The following SFI1 variants were observed in gnomAD, a reference collection of about 807,000 sequenced individuals.
The protein encoded by SFI1 is protein SFI1 homolog.
In SFI1, 195 loss-of-function variants were observed where a neutral mutation model predicts 207.5. The observed-to-expected ratio is 0.94, with a 90% CI of 0.84 to 1.06. The LOEUF is 1.06. Ranked by LOEUF, SFI1 falls within the 50% of genes least tolerant of loss-of-function variation. SFI1 has a pLI of 0.00. For synonymous variants in SFI1, 630 were observed against 598.9 expected, an observed-to-expected ratio of 1.05 and a Z score of -0.76; for missense variants, 1,634 against 1,588.0, an observed-to-expected ratio of 1.03 and a Z score of -0.49.
intron 19 of SFI1, 131 bp from the exon 20 acceptor site, chr22:31,604,726 GGGACCAGGGGCT>G: frequency 1.5e-6 from 1 of 687,626 alleles, no homozygotes; most frequent in Non-Finnish European, 2.4e-6. Context: ...TGCTGGCCCT[GGGACCAGGGGCT>G]GTTGGCCTCT....
intron 31 of SFI1, 43 bp downstream of exon 31, chr22:31,617,121 G>A (rs1437129798): frequency 1.2e-6 from 2 of 1,604,408 alleles, no homozygotes; most frequent in African/African-American, 2.7e-5. Flanking sequence ...TACAGGAGCA[G>A]GTGTTGCCTG....
intron 1 of SFI1, among the ~76,000 whole-genome samples, 157 bp downstream of exon 1, chr22:31,496,794 C>G (rs539266659): frequency 4.6e-5 from 7 of 152,306 alleles, no homozygotes; most frequent in Admixed American, 4.6e-4. Flanking sequence ...TGTCTACCTG[C>G]GGGTCTGTGG....
At chr22:31,593,005 C>T (rs2066328163) in intron 15 of SFI1, among the ~76,000 whole-genome samples, 8 of 129,114 alleles carry the variant, frequency 6.2e-5, no homozygotes, top group Non-Finnish European at 8.3e-5. Context: ...CACCTCCCTC[C>T]CGGACGGCAC....
chr22:31,529,088 C>T, intron 3 of SFI1: 1 of 433,650 alleles, frequency 2.3e-6, no homozygotes, highest in Non-Finnish European at 4.1e-6. Context: ...CAATATGACG[C>T]TATCAAGATT....
chr22:31,580,216 T>G (rs1398495231), intron 11 of SFI1, 56 bp from the exon 12 acceptor site: 1 of 1,431,640 alleles, frequency 7.0e-7, no homozygotes, highest in Non-Finnish European at 9.8e-7. Flanking sequence ...TACTCTTAGT[T>G]TACAGACTCT....
At chr22:31,526,691 G>A (rs1239595391) in intron 2 of SFI1, among the ~76,000 whole-genome samples, 1 of 152,038 alleles carries the variant, frequency 6.6e-6, no homozygotes, top group African/African-American at 2.4e-5. Flanking sequence ...GAGTAGCTGG[G>A]ACTACAGGCG....
At chr22:31,508,106 A>G (rs776532937) in intron 1 of SFI1, 149 bp from the exon 2 acceptor site, 13 of 381,394 alleles carry the variant, frequency 3.4e-5, no homozygotes, top group Non-Finnish European at 5.7e-5. Context: ...TAATTTAAAT[A>G]TAATATTTTA....
rs1335676359 is a variant in SFI1 at position 31,528,718 on chromosome 22, C to A, written c.121C>A (p.Pro41Thr). 5.0e-6 allele frequency: 8 copies of A among 1,614,096 alleles called. No homozygotes were observed. The highest frequency in any genetic ancestry group is 5.9e-6 in the Non-Finnish European group (7 of 1,180,010). The change falls in exon 3 of 33, where the codon CCT becomes ACT. Residue 41 changes from proline to threonine, a missense_variant. Pro to Thr is a conservative substitution (Grantham distance 38, BLOSUM62 -1). Transcript: ENST00000400288. The part of the protein sequence containing the change: ...RYFKDGAVKK[P>T]YSAKTLSNKK... ...TTTTAAGGATGGTGCAGTTAAGAAA[C>A]CTTATTCTGCAAAGACACTGTCCAA...
intron 15 of SFI1, among the ~76,000 whole-genome samples, chr22:31,592,350 A>AG (rs1317642760): frequency 4.0e-5 from 2 of 50,430 alleles, no homozygotes; most frequent in African/African-American, 2.3e-4. Flanking sequence ...CTGGCCGGGC[A>AG]GGGGGGCTGA....
chr22:31,600,932 C>T (rs1433793221), intron 15 of SFI1, among the ~76,000 whole-genome samples: 3 of 152,252 alleles, frequency 2.0e-5, no homozygotes, highest in South Asian at 4.1e-4. Flanking sequence ...ATGTGTCTTG[C>T]GTGTTAAATG....
intron 4 of SFI1, among the ~76,000 whole-genome samples, chr22:31,545,729 C>T (rs1452129636): frequency 6.6e-6 from 1 of 150,758 alleles, no homozygotes; most frequent in Admixed American, 6.6e-5. Flanking sequence ...TACTGGCGTG[C>T]ACCACCATGC....
Position 31,557,046 on chromosome 22 carries a change from C to T in SFI1, c.649C>T (p.Arg217Trp), listed in dbSNP as rs760517817. ...GACTACAGCTCTGGAGTTTAGGCAA[C>T]GGATTATCTTACGGTGAGTCTGCTC... ...MQTTALEFRQ[R>W]IILRVWWSTW... The change falls in exon 7 of 33, where the codon CGG becomes TGG. Residue 217 changes from arginine to tryptophan, a missense_variant. Coordinates refer to ENST00000400288, the MANE Select transcript of SFI1 (RefSeq NM_001007467.3). 25 of 1,603,580 alleles carry T rather than the reference C, an allele frequency of 1.6e-5. No individual in the cohort carries two copies. The highest frequency in any genetic ancestry group is 1.1e-4 in the South Asian group (10 of 90,048).
rs1602509944 is a variant in SFI1, at chr22:31,548,495, T to A, written c.449+1524T>A. On this transcript the variant is annotated intron_variant, in intron 5 of 32. Coordinates refer to ENST00000400288, the MANE Select transcript of SFI1 (RefSeq NM_001007467.3). ...AACTAAAATACAAAAAAAAAAAAAT[T>A]AGCCGGGCATGGCGGCATGCGCCTG... Among the ~76,000 whole-genome samples, 3 of 150,870 alleles carry A rather than the reference T, an allele frequency of 2.0e-5. No individual in the cohort carries two copies. In the South Asian group the frequency reaches 6.3e-4, roughly 32 times the overall value.
At chr22:31,617,116 G>T in intron 31 of SFI1, 38 bp downstream of exon 31, 1 of 1,609,204 alleles carries the variant, frequency 6.2e-7, no homozygotes, top group Non-Finnish European at 8.5e-7. Context: ...CTGGCTACAG[G>T]AGCAGGTGTT....
intron 15 of SFI1, among the ~76,000 whole-genome samples, chr22:31,599,307 T>G (rs1306395081): frequency 6.9e-6 from 1 of 144,322 alleles, no homozygotes; most frequent in Non-Finnish European, 1.5e-5. Context: ...ATCAGGTTTT[T>G]CCAGCACCAT....
intron 19 of SFI1, chr22:31,604,605 T>G (rs2068658914): frequency 5.0e-6 from 3 of 596,480 alleles, no homozygotes; most frequent in Non-Finnish European, 8.8e-6. Flanking sequence ...ACAAGTGCTG[T>G]CTGTGGGTAC....
chr22:31,583,810 A>G, intron 12 of SFI1, 65 bp from the exon 13 acceptor site: 2 of 1,404,598 alleles, frequency 1.4e-6, no homozygotes, highest in Non-Finnish European at 2.0e-6. Context: ...AGTCTGTTGG[A>G]GTAAGGATTC....
At chr22:31,561,472 T>C in intron 8 of SFI1, 80 bp downstream of exon 8, 1 of 1,242,446 alleles carries the variant, frequency 8.0e-7, no homozygotes, top group Non-Finnish European at 1.1e-6. Context: ...GTGCTGGGCC[T>C]TCCCTGCAGC....
At chr22:31,531,642 C>T (rs2058538032) in intron 4 of SFI1, among the ~76,000 whole-genome samples, 1 of 152,156 alleles carries the variant, frequency 6.6e-6, no homozygotes, top group African/African-American at 2.4e-5. Flanking sequence ...GCCTGTAATC[C>T]CAGCACTTTG....
Sources: allele counts gnomAD v4.1 joint callset (sites outside exome capture counted in the v4.1 genomes callset), GRCh38; gene constraint gnomAD v4.1.1; transcripts MANE v1.5; gene names NCBI Gene and HGNC (gene_info 2026-07-23, HGNC 2026-07-21).